TSEN34: variants seen among roughly 807,000 people sequenced by gnomAD.
TSEN34 encodes the protein tRNA-splicing endonuclease subunit Sen34.
In TSEN34, 25 loss-of-function variants were observed where a neutral mutation model predicts 30.2. The observed-to-expected ratio is 0.83, with a 90% CI of 0.60 to 1.16. TSEN34 has a LOEUF of 1.16. TSEN34 is among the 50% of genes most tolerant of loss of function. The probability of loss-of-function intolerance (pLI) is 0.00; values close to 1 mark genes in which losing one functional copy is unlikely to be tolerated. For missense variants in TSEN34, 475 were observed against 411.9 expected (o/e 1.15, Z -1.33); for synonymous variants, 209 against 177.4 (o/e 1.18, Z -1.41).
rs1415744054 is a variant in TSEN34 at position 54,194,339 on chromosome 19, G to T, written c.*977G>T. ...CTGCTTTTTCATGGCCTGGGTAGTG[G>T]TGAATTTTTTTGATACTGTATATTT... On this transcript the variant is annotated 3_prime_UTR_variant, in exon 4 of 4. Coordinates refer to ENST00000396388, the MANE Select transcript of TSEN34 (RefSeq NM_001077446.4). 2 of 107,096 alleles carry T rather than the reference G, an allele frequency of 1.9e-5. No individual in the cohort carries two copies. Among genetic ancestry groups the T allele is most frequent in the Non-Finnish European group, 3.7e-5 (2 of 53,928 alleles). 6.6% of individuals were successfully genotyped at this position (107,096 alleles called of 1,614,324 possible).
chr19:54,191,234 G>C, upstream of TSEN34: 2 of 1,446,358 alleles, frequency 1.4e-6, no homozygotes, highest in Non-Finnish European at 1.8e-6. Context: ...AACGGCGGCT[G>C]AGCGAGGCCC....
upstream of TSEN34, chr19:54,190,110 C>T: frequency 1.8e-6 from 1 of 548,166 alleles, no homozygotes; most frequent in Non-Finnish European, 3.2e-6. Context: ...GGGACCGGGC[C>T]AGGATGACGA....
chr19:54,194,081 C>G lies in TSEN34; in HGVS notation c.*719C>G, dbSNP rs2076805388. ...AAAATTAGCCAGGGATCCCTTGAGC[C>G]TGGGAAGTTGAGGCTGCTGTGAGCT... On this transcript the variant is annotated 3_prime_UTR_variant, in exon 4 of 4. Transcript: ENST00000396388. 2 of 181,832 alleles carry G rather than the reference C, an allele frequency of 1.1e-5. No individual in the cohort carries two copies. Among genetic ancestry groups the G allele is most frequent in the African/African-American group, 4.8e-5 (2 of 41,684 alleles). The allele number at this position is 181,832 out of a possible 1,614,324, so 11.3% of individuals were successfully genotyped here. A position where few individuals can be genotyped will look rare whatever the true frequency, so the allele number is the denominator to read the frequency against.
rs752633600 is a variant in TSEN34 at position 54,192,276 on chromosome 19, C to A, written c.648C>A (p.Ala216=). 6.2e-7 allele frequency: 1 copy of A among 1,613,990 alleles called. No homozygotes were observed. The highest frequency in any genetic ancestry group is 1.3e-5 in the African/African-American group (1 of 74,904). Residue 216 remains alanine (A), a synonymous_variant, in exon 3 of 4, where the codon GCC becomes GCA. Transcript: ENST00000396388. The stretch of plus-strand genomic sequence containing the variant: ...ACTGGCCCCACGCCGGCCGCCCTGC[C>A]CACGAGCTGCGCTACAGTATCTACA... ...SKDWPHAGRP[A]HELRYSIYRD...
Position 54,192,115 on chromosome 19 carries a change from G to A in TSEN34, c.488-1G>A, listed in dbSNP as rs1463003085. On this transcript the variant is annotated splice_acceptor_variant, in intron 2 of 3. Coordinates refer to ENST00000396388, the MANE Select transcript of TSEN34 (RefSeq NM_001077446.4). LOFTEE classifies it high-confidence loss of function. ...AAACTCTTCTCTGTACTCCCCACCA[G>A]GCCCCTCGTCTTCCCAAGCAGGACC... 5.6e-6 allele frequency: 9 copies of A among 1,614,092 alleles called. No homozygotes were observed. Among genetic ancestry groups the A allele is most frequent in the Non-Finnish European group, 7.6e-6 (9 of 1,180,038 alleles).
chr19:54,191,215 C>G, upstream of TSEN34: 10 of 1,412,608 alleles, frequency 7.1e-6, no homozygotes, highest in Non-Finnish European at 9.2e-6. Flanking sequence ...TCGGGCCCAG[C>G]AGGTGGTGAA....
In TSEN34 at chr19:54,191,800, G is replaced by C; in HGVS notation, c.323G>C (p.Arg108Pro). The C allele has an allele frequency of 6.2e-7, 1 of 1,614,218 alleles. No individual in the cohort carries two copies. The highest frequency in any genetic ancestry group is 8.5e-7 in the Non-Finnish European group (1 of 1,180,040). ...SALAAEARET[R>P]RQELLEKITE... ...TTGGCAGCTGAGGCCCGGGAGACCC[G>C]TCGTCAGGAGCTCCTGGAGAAGATT... is the stretch of plus-strand genomic sequence containing the variant. The change falls in exon 2 of 4, where the codon CGT becomes CCT. Residue 108 changes from arginine (R) to proline (P), a missense_variant. Coordinates refer to ENST00000396388, the MANE Select transcript of TSEN34 (RefSeq NM_001077446.4).
At chr19:54,192,086 T>G (rs1216519242) in intron 2 of TSEN34, 30 bp from the exon 3 acceptor site, 11 of 1,614,080 alleles carry the variant, frequency 6.8e-6, no homozygotes, top group Non-Finnish European at 7.6e-6. Flanking sequence ...CCCTTGAATT[T>G]ACCAAACTCT....
upstream of TSEN34, chr19:54,190,761 C>T (rs1280091392): frequency 3.4e-6 from 4 of 1,168,694 alleles, no homozygotes; most frequent in South Asian, 3.2e-5. Flanking sequence ...ACTTCCTGTG[C>T]TCGGGAGGGG....
upstream of TSEN34, chr19:54,190,716 C>G: frequency 8.2e-7 from 1 of 1,216,482 alleles, no homozygotes; most frequent in South Asian, 3.1e-5. Flanking sequence ...GGCGGGGCTG[C>G]GGATTCGGTG....
chr19:54,190,018 A>G, upstream of TSEN34: 1 of 511,530 alleles, frequency 2.0e-6, no homozygotes, highest in Admixed American at 3.8e-5. Flanking sequence ...TTCGCCAGAC[A>G]CCCATGAGTA....
rs780405830 is a variant in TSEN34, at chr19:54,192,395, T to C, written c.745+22T>C. 3.1e-6 allele frequency: 5 copies of C among 1,613,900 alleles called. No individual in the cohort carries two copies. The South Asian group carries it at 3.3e-5, about 11-fold the overall frequency. Reference sequence around the variant, plus strand: ...CCTGGTGAGTATGGGTTGGGGCCTCTGGTTGCTGTGCCTTTCCATACGATC... The same window carrying C: ...CCTGGTGAGTATGGGTTGGGGCCTCCGGTTGCTGTGCCTTTCCATACGATC... On this transcript the variant is annotated intron_variant, in intron 3 of 3. Coordinates refer to ENST00000396388, the MANE Select transcript of TSEN34 (RefSeq NM_001077446.4).
chr19:54,190,025 A>C (rs2076602973), upstream of TSEN34: 3 of 527,862 alleles, frequency 5.7e-6, no homozygotes, highest in South Asian at 2.3e-5. Flanking sequence ...GACACCCATG[A>C]GTATTTACAA....
In TSEN34 at chr19:54,193,739, C is replaced by T; in HGVS notation, c.*377C>T. 5 of 716,234 alleles carry T rather than the reference C, an allele frequency of 7.0e-6. No homozygotes were observed. Among genetic ancestry groups the T allele is most frequent in the Non-Finnish European group, 1.3e-5 (5 of 397,890 alleles). The allele number at this position is 716,234 out of a possible 1,614,324, so 44.4% of individuals were successfully genotyped here. A position where few individuals can be genotyped will look rare whatever the true frequency, so the allele number is the denominator to read the frequency against. The stretch of plus-strand genomic sequence containing the variant: ...TCTGCATGTACAGGTGAGAAAAAGG[C>T]CTGGAGGAGGGGGACTGACTTGCCC... On this transcript the variant is annotated 3_prime_UTR_variant, in exon 4 of 4. Transcript: ENST00000396388.
At chr19:54,190,999 G>C (rs2076656853), upstream of TSEN34, 4 of 1,113,548 alleles carry the variant, frequency 3.6e-6, no homozygotes, top group Middle Eastern at 3.9e-4. Flanking sequence ...GTGTCGCCGC[G>C]CTTGCGGAGG....
rs2076723682 is a variant in TSEN34, at chr19:54,191,958, G to A, written c.481G>A (p.Glu161Lys). 3 of 1,614,058 alleles carry A rather than the reference G, an allele frequency of 1.9e-6. No homozygotes were observed. Among genetic ancestry groups the A allele is most frequent in the East Asian group, 2.2e-5 (1 of 44,900 alleles). Residue 161 changes from glutamate to lysine, a missense_variant, in exon 2 of 4, where the codon GAA becomes AAA. Glu to Lys is a moderately conservative substitution (Grantham distance 56, BLOSUM62 1). Coordinates refer to ENST00000396388, the MANE Select transcript of TSEN34 (RefSeq NM_001077446.4). ...TGGCCAGGCTTCGGGAGAGCAGGAGGAAGCTGGTGAGCATGGGAGGTGGAG... is the reference window on the plus strand; with the variant it reads ...TGGCCAGGCTTCGGGAGAGCAGGAGAAAGCTGGTGAGCATGGGAGGTGGAG... The part of the protein sequence containing the change: ...SDGQASGEQE[E>K]AGPSSSQAGP...
At chr19:54,190,459 G>C (rs2076624654), upstream of TSEN34, 3 of 1,392,300 alleles carry the variant, frequency 2.2e-6, no homozygotes, top group South Asian at 4.8e-5. Flanking sequence ...GGGTGAGCCC[G>C]CCCGAGCGGA....
At chr19:54,190,970 T>C (rs1263826401), upstream of TSEN34, 14 of 1,079,366 alleles carry the variant, frequency 1.3e-5, no homozygotes, top group East Asian at 7.2e-5. Context: ...GGTGCCAAAA[T>C]GGACCTTTGT....
upstream of TSEN34, chr19:54,189,929 G>C (rs566045786): frequency 1.6e-4 from 45 of 289,326 alleles, no homozygotes; most frequent in South Asian, 1.8e-3. Context: ...GGCCGGATGT[G>C]GGTGGGGCCA....
Sources: gnomAD v4.1 joint callset for allele counts on GRCh38, gnomAD v4.1.1 for gene constraint, MANE v1.5 for transcripts, NCBI Gene and HGNC (gene_info 2026-07-23, HGNC 2026-07-21) for gene names.